The following SMPD3 variants were observed in gnomAD, a reference collection of about 807,000 sequenced individuals.
SMPD3 encodes sphingomyelin phosphodiesterase 3.
Under a neutral mutation model 55.7 loss-of-function variants are expected in SMPD3, and 21 were observed. The ratio of observed to expected loss-of-function variants is 0.38; its 90% CI spans 0.27 to 0.54. SMPD3 has a LOEUF of 0.54. Ranked by LOEUF, SMPD3 falls within the 20% of genes least tolerant of loss-of-function variation. The pLI is 0.80. For synonymous variants in SMPD3, 457 were observed against 404.3 expected, an observed-to-expected ratio of 1.13 and a Z score of -1.56; for missense variants, 842 against 899.6, an observed-to-expected ratio of 0.94 and a Z score of 0.82.
chr16:68,391,276 G>T (rs1258020439), intron 1 of SMPD3, among the ~76,000 whole-genome samples: 1 of 152,232 alleles, frequency 6.6e-6, no homozygotes, highest in Non-Finnish European at 1.5e-5. Context: ...AGATCAACTT[G>T]ACTGTAGATA....
intron 1 of SMPD3, among the ~76,000 whole-genome samples, chr16:68,406,279 A>G (rs2090254086): frequency 6.6e-6 from 1 of 152,262 alleles, no homozygotes; most frequent in Non-Finnish European, 1.5e-5. Flanking sequence ...CCTTCTGAAC[A>G]TTTAGTTATC....
intron 1 of SMPD3, among the ~76,000 whole-genome samples, chr16:68,418,541 A>T (rs1449058852): frequency 6.6e-6 from 1 of 152,204 alleles, no homozygotes. Context: ...CCTGATAGGG[A>T]CATATTCCCC....
intron 1 of SMPD3, among the ~76,000 whole-genome samples, chr16:68,386,868 G>A (rs1038192176): frequency 6.6e-6 from 1 of 152,228 alleles, no homozygotes; most frequent in African/African-American, 2.4e-5. Context: ...CAGTGGGTGG[G>A]GCCCGAGGTT....
In SMPD3 at chr16:68,363,901, G is replaced by C. The variant is rs567215232; in HGVS notation, c.1556-35C>G. On this transcript the variant is annotated intron_variant, in intron 5 of 8. Coordinates refer to ENST00000219334, the MANE Select transcript of SMPD3 (RefSeq NM_018667.4). ...GAGGGAGGAAACGCTGAGGCACCAG[G>C]GGGCTTTGCTGTCCCACACGGCCTG... 28 of 1,534,436 alleles carry C rather than the reference G, an allele frequency of 1.8e-5. No homozygotes were observed. In the East Asian group the frequency reaches 6.1e-4, roughly 33 times the overall value.
intron 1 of SMPD3, among the ~76,000 whole-genome samples, chr16:68,402,436 G>A (rs2090217615): frequency 1.3e-5 from 2 of 152,176 alleles, no homozygotes; most frequent in Admixed American, 1.3e-4. Flanking sequence ...TGCACAAGCT[G>A]TAGGAGTCCC....
chr16:68,409,950 A>G lies in SMPD3; in HGVS notation c.-268-23291T>C, dbSNP rs150532850. Among the ~76,000 whole-genome samples the G allele has an allele frequency of 9.3e-3, 1,422 of 152,286 alleles. 16 individuals carry two copies. The highest frequency in any genetic ancestry group is 0.092 in the Middle Eastern group (27 of 294). ...AAGAGCCACCAGCTCCTTCCCTCAG[A>G]CCGTCACCTACCTGACAAGAGGTTT... is the stretch of plus-strand genomic sequence containing the variant. On this transcript the variant is annotated intron_variant, in intron 1 of 8. Transcript: ENST00000219334.
At chr16:68,364,592 T>G (rs2089418778) in intron 5 of SMPD3, 159 bp downstream of exon 5, 1 of 824,286 alleles carries the variant, frequency 1.2e-6, no homozygotes, top group Non-Finnish European at 1.8e-6. Flanking sequence ...TGTTCTAGGA[T>G]TTCTAGGGGG....
intron 7 of SMPD3, 88 bp from the exon 8 acceptor site, chr16:68,361,847 C>T: frequency 7.2e-7 from 1 of 1,392,480 alleles, no homozygotes; most frequent in Non-Finnish European, 9.7e-7. Flanking sequence ...GGTCTCCTCC[C>T]AGTGTGGGAG....
At chr16:68,443,001 G>A (rs1013311309) in intron 1 of SMPD3, among the ~76,000 whole-genome samples, 4 of 152,200 alleles carry the variant, frequency 2.6e-5, no homozygotes, top group African/African-American at 9.7e-5. Context: ...TTTCTTAAAA[G>A]TCTAACCCCT....
chr16:68,443,728 T>G (rs2090585816), intron 1 of SMPD3, among the ~76,000 whole-genome samples: 1 of 152,234 alleles, frequency 6.6e-6, no homozygotes, highest in Admixed American at 6.5e-5. Flanking sequence ...AAAGACTGAT[T>G]TGTGTCTAAA....
chr16:68,428,820 A>G (rs767243866), intron 1 of SMPD3, among the ~76,000 whole-genome samples: 18 of 152,336 alleles, frequency 1.2e-4, no homozygotes, highest in Admixed American at 3.3e-4. Context: ...AGACCTGGAC[A>G]CAGATGGTCA....
intron 7 of SMPD3, 103 bp from the exon 8 acceptor site, chr16:68,361,862 T>TG: frequency 4.4e-6 from 3 of 677,180 alleles, no homozygotes; most frequent in Non-Finnish European, 6.9e-6. Context: ...TGGGAGCGGG[T>TG]GGGTGGGACC....
chr16:68,388,562 G>C (rs753672141), intron 1 of SMPD3, among the ~76,000 whole-genome samples: 1 of 152,100 alleles, frequency 6.6e-6, no homozygotes, highest in South Asian at 2.1e-4. Context: ...CCCTGAGTGA[G>C]AAGTTTGTCA....
chr16:68,390,704 G>A (rs2090103744), intron 1 of SMPD3, among the ~76,000 whole-genome samples: 1 of 152,178 alleles, frequency 6.6e-6, no homozygotes, highest in African/African-American at 2.4e-5. Flanking sequence ...TTCTGGGAAT[G>A]CAGCCCAGCA....
intron 1 of SMPD3, among the ~76,000 whole-genome samples, chr16:68,416,504 G>A (rs1050865098): frequency 1.3e-5 from 2 of 152,204 alleles, no homozygotes; most frequent in Admixed American, 6.5e-5. Flanking sequence ...ATCTAAGGCC[G>A]TTGTTGTCTT....
chr16:68,392,539 CT>C (rs1374935995), intron 1 of SMPD3, among the ~76,000 whole-genome samples: 1 of 152,090 alleles, frequency 6.6e-6, no homozygotes, highest in East Asian at 1.9e-4. Context: ...GGATGGGCCC[CT>C]GATCTGATAA....
rs574067925 is a variant in SMPD3, at chr16:68,387,539, G to A, written c.-268-880C>T. On this transcript the variant is annotated intron_variant, in intron 1 of 8. Coordinates refer to ENST00000219334, the MANE Select transcript of SMPD3 (RefSeq NM_018667.4). The stretch of plus-strand genomic sequence containing the variant: ...GATCCCTGGCCCCAGGCAGCTCTCT[G>A]AGCCCGTTGGCCCAGTCCCAGGCCT... 2.0e-5 allele frequency among the ~76,000 whole-genome samples: 3 copies of A among 152,260 alleles called. No homozygotes were observed. The East Asian group carries it at 5.8e-4, about 29-fold the overall frequency.
intron 3 of SMPD3, 87 bp downstream of exon 3, chr16:68,370,772 A>C: frequency 6.5e-7 from 1 of 1,533,762 alleles, no homozygotes; most frequent in Non-Finnish European, 8.8e-7. Context: ...CCCCATGACG[A>C]TGAGGACTCC....
At chr16:68,416,608 A>T (rs1034100719) in intron 1 of SMPD3, among the ~76,000 whole-genome samples, 1 of 152,232 alleles carries the variant, frequency 6.6e-6, no homozygotes, top group African/African-American at 2.4e-5. Context: ...TTACCTTGGC[A>T]GGTTCACCAG....
Sources: gnomAD v4.1 joint callset for allele counts (sites outside exome capture counted in the v4.1 genomes callset) on GRCh38, gnomAD v4.1.1 for gene constraint, MANE v1.5 for transcripts, NCBI Gene and HGNC (gene_info 2026-07-23, HGNC 2026-07-21) for gene names.